Variants in CHID1 observed in about 807,000 individuals in gnomAD.
CHID1 encodes the protein chitinase domain containing 1, also known as chitinase domain-containing protein 1.
A neutral mutation model predicts 55.4 loss-of-function variants in CHID1; 44 were observed. That is an observed-to-expected ratio of 0.79 (90% CI 0.62 to 1.02). The LOEUF (loss-of-function observed/expected upper bound fraction) is 1.02. CHID1 is among the 50% of genes least tolerant of loss of function. CHID1 has a pLI of 0.00. For synonymous variants in CHID1, 216 were observed against 212.9 expected (o/e 1.01, Z -0.13); for missense variants, 491 against 515.3 (o/e 0.95, Z 0.46).
At chr11:883,941 C>A (rs780151320) in intron 9 of CHID1, 127 bp downstream of exon 9, 1 of 738,916 alleles carries the variant, frequency 1.4e-6, no homozygotes, top group Non-Finnish European at 2.3e-6. Flanking sequence ...CCAGACTCAG[C>A]AGGTGACCTT....
At chr11:892,175 G>A (rs1188210101) in intron 8 of CHID1, among the ~76,000 whole-genome samples, 1 of 152,174 alleles carries the variant, frequency 6.6e-6, no homozygotes, top group Non-Finnish European at 1.5e-5. Context: ...CGGGACACAG[G>A]TGAGACCCCA....
intron 8 of CHID1, among the ~76,000 whole-genome samples, chr11:890,562 T>C (rs568125453): frequency 2.0e-5 from 3 of 152,346 alleles, no homozygotes; most frequent in Non-Finnish European, 4.4e-5. Context: ...GTCAGCTCCC[T>C]GGACCCAAGG....
At chr11:901,098 G>A in intron 4 of CHID1, 118 bp from the exon 5 acceptor site, 1 of 897,028 alleles carries the variant, frequency 1.1e-6, no homozygotes, top group Non-Finnish European at 1.7e-6. Context: ...GCAGGGGCGG[G>A]CAGGCAGGTG....
At chr11:887,816 T>C (rs1277197202) in intron 8 of CHID1, among the ~76,000 whole-genome samples, 3 of 152,170 alleles carry the variant, frequency 2.0e-5, no homozygotes, top group South Asian at 2.1e-4. Context: ...GTCCCTCTCG[T>C]GGGCGCCATG....
intron 1 of CHID1, among the ~76,000 whole-genome samples, chr11:907,336 C>T (rs532698647): frequency 2.5e-4 from 38 of 152,220 alleles, no homozygotes; most frequent in African/African-American, 9.1e-4. Context: ...AAAAAATTAG[C>T]CAGGCATGGT....
At chr11:879,919 T>TGG (rs1338161287) in intron 10 of CHID1, among the ~76,000 whole-genome samples, 1 of 152,024 alleles carries the variant, frequency 6.6e-6, no homozygotes, top group Non-Finnish European at 1.5e-5. Flanking sequence ...TGTGGTAAGG[T>TGG]GGGGGACATG....
At chr11:871,112 T>C (rs1169333432) in intron 10 of CHID1, among the ~76,000 whole-genome samples, 5 of 151,150 alleles carry the variant, frequency 3.3e-5, no homozygotes, top group Non-Finnish European at 5.9e-5. Flanking sequence ...TGCCTCAGCC[T>C]CCTGAGTAGC....
In CHID1 at chr11:875,632, G is replaced by A. The variant is rs143977234; in HGVS notation, c.960-5133C>T. On this transcript the variant is annotated intron_variant, in intron 10 of 12. Transcript: ENST00000323578. This position sits in a 1 kb window ranked among gnomAD's most constrained non-coding sequence, Gnocchi z 4.7. ...GAAACTCTTAGCGCCACATGAGGCC[G>A]AGGGAGTCAAGTCCTGGGGTGGCCA... Among the ~76,000 whole-genome samples the A allele has an allele frequency of 2.1e-4, 32 of 152,274 alleles. No homozygotes were observed. The highest frequency in any genetic ancestry group is 3.8e-4 in the Non-Finnish European group (26 of 68,018).
intron 8 of CHID1, among the ~76,000 whole-genome samples, chr11:885,338 C>T (rs1850311583): frequency 6.6e-6 from 1 of 152,198 alleles, no homozygotes; most frequent in African/African-American, 2.4e-5. Flanking sequence ...ATCCCAGCCC[C>T]TGCCTTGAGT....
chr11:898,011 C>A (rs1385797721), intron 7 of CHID1, among the ~76,000 whole-genome samples: 1 of 152,178 alleles, frequency 6.6e-6, no homozygotes, highest in African/African-American at 2.4e-5. Context: ...TGCCTCCCAG[C>A]CAGTGAGTCC....
At chr11:899,218 C>G (rs565868307) in intron 7 of CHID1, 122 bp downstream of exon 7, 1 of 950,266 alleles carries the variant, frequency 1.1e-6, no homozygotes, top group Admixed American at 2.1e-5. Context: ...CAGCCCCGTC[C>G]CCACCCCAGG....
chr11:877,646 A>G (rs561601866), intron 10 of CHID1, among the ~76,000 whole-genome samples: 12 of 152,292 alleles, frequency 7.9e-5, no homozygotes, highest in East Asian at 7.7e-4. Context: ...TTCCCCTAAA[A>G]TCCACAGGGT....
intron 10 of CHID1, among the ~76,000 whole-genome samples, chr11:880,728 G>A (rs931481244): frequency 2.6e-5 from 4 of 151,926 alleles, no homozygotes; most frequent in African/African-American, 9.7e-5. Context: ...GCTGACACAC[G>A]CACACACCCC....
At chr11:894,121 CAAAAAAAAAAAA>C (rs58548115) in intron 7 of CHID1, among the ~76,000 whole-genome samples, 13 of 58,048 alleles carry the variant, frequency 2.2e-4, no homozygotes, top group Non-Finnish European at 4.2e-4. Context: ...GACTCTGTCT[CAAAAAAAAAAAA>C]AAAAAAAAAA....
intron 11 of CHID1, 32 bp from the exon 12 acceptor site, chr11:870,195 C>A (rs756897842): frequency 6.2e-7 from 1 of 1,613,098 alleles, no homozygotes; most frequent in Admixed American, 1.7e-5. Context: ...AGCCCATCCG[C>A]TCTGCTGGTT....
chr11:914,717 G>T, upstream of CHID1: 3 of 357,018 alleles, frequency 8.4e-6, no homozygotes, highest in South Asian at 2.3e-5. Flanking sequence ...ATAGGACCCT[G>T]TCTCAAAAAA....
chr11:883,089 C>A, intron 10 of CHID1, 59 bp downstream of exon 10: 2 of 1,555,230 alleles, frequency 1.3e-6, no homozygotes, highest in Non-Finnish European at 8.8e-7. Context: ...TCTCCTTACA[C>A]CCACACCCAC....
chr11:870,624 T>C (rs1486693823), intron 10 of CHID1, 125 bp from the exon 11 acceptor site: 4 of 678,586 alleles, frequency 5.9e-6, no homozygotes, highest in East Asian at 5.4e-5. Flanking sequence ...TCCCCAGTGG[T>C]CTGGGGGACA....
intron 10 of CHID1, among the ~76,000 whole-genome samples, chr11:873,058 C>G (rs1436634435): frequency 6.6e-6 from 1 of 152,140 alleles, no homozygotes; most frequent in African/African-American, 2.4e-5. Context: ...AATCGCTACT[C>G]CCAAGCAGGC....
Sources: gnomAD v4.1 joint callset for allele counts (sites outside exome capture counted in the v4.1 genomes callset) on GRCh38, gnomAD v4.1.1 for gene constraint, Gnocchi (gnomAD v3.1) non-coding constraint, MANE v1.5 for transcripts, NCBI Gene and HGNC (gene_info 2026-07-23, HGNC 2026-07-21) for gene names.